The following DLGAP2 variants were observed in gnomAD, a reference collection of about 807,000 sequenced individuals.
DLGAP2 encodes DLG associated protein 2, also known as disks large-associated protein 2.
A neutral mutation model predicts 100.3 loss-of-function variants in DLGAP2; 26 were observed. That is an observed-to-expected ratio of 0.26 (90% CI 0.19 to 0.36). DLGAP2 has a LOEUF of 0.36. Ranked by LOEUF, DLGAP2 falls within the 10% of genes least tolerant of loss-of-function variation. The pLI, the probability that DLGAP2 is intolerant of heterozygous loss-of-function variation, is 1.00. For missense variants in DLGAP2, 1,858 were observed against 1,453.2 expected (o/e 1.28, Z -4.53); for synonymous variants, 886 against 630.1 (o/e 1.41, Z -6.08).
At chr8:1,116,532 G>T (rs1193050944) in intron 2 of DLGAP2, among the ~76,000 whole-genome samples, 1 of 152,148 alleles carries the variant, frequency 6.6e-6, no homozygotes, top group Non-Finnish European at 1.5e-5. Context: ...AAAATATCCA[G>T]TAATTACAAT....
chr8:1,267,912 A>C (rs528464141), intron 3 of DLGAP2, among the ~76,000 whole-genome samples: 44 of 152,286 alleles, frequency 2.9e-4, no homozygotes, highest in African/African-American at 9.9e-4. Context: ...TTTTGAATCA[A>C]ATACATAAAG....
intron 2 of DLGAP2, among the ~76,000 whole-genome samples, chr8:1,195,291 C>A (rs111345848): frequency 6.6e-6 from 1 of 152,312 alleles, no homozygotes; most frequent in East Asian, 1.9e-4. Flanking sequence ...GAACTGGCTT[C>A]CCTGCACCCT....
At chr8:1,558,818 C>T (rs2956897) in intron 5 of DLGAP2, among the ~76,000 whole-genome samples, 49,645 of 150,210 alleles carry the variant, frequency 0.33, 8,549 homozygotes, top group Middle Eastern at 0.46. Flanking sequence ...AACACACATA[C>T]GCACATGGGC....
intron 6 of DLGAP2, among the ~76,000 whole-genome samples, chr8:1,587,543 A>G (rs1796158119): frequency 1.3e-5 from 2 of 152,250 alleles, no homozygotes; most frequent in Admixed American, 1.3e-4. Context: ...CTAAGAATAT[A>G]TCTTAGCTAC....
At chr8:1,099,442 C>T (rs956790645) in intron 2 of DLGAP2, among the ~76,000 whole-genome samples, 1 of 152,220 alleles carries the variant, frequency 6.6e-6, no homozygotes, top group African/African-American at 2.4e-5. Flanking sequence ...GCGCCAGGGC[C>T]GTACTGGGGC....
chr8:1,002,303 A>C (rs1200196627), intron 2 of DLGAP2: 3 of 152,190 alleles, frequency 2.0e-5, no homozygotes, highest in Non-Finnish European at 4.4e-5. Context: ...CTGTGACCTC[A>C]TCTATAATTA....
chr8:1,381,782 AGTGTGTGTGTGTGTGTGTGT>A (rs72529197), intron 3 of DLGAP2, among the ~76,000 whole-genome samples: 110 of 141,790 alleles, frequency 7.8e-4, no homozygotes, highest in African/African-American at 2.9e-3. Context: ...GGGTTATTCT[AGTGTGTGTGTGTGTGTGTGT>A]GTGTGTGTGT....
At chr8:1,001,404 T>C (rs183806633) in intron 2 of DLGAP2, among the ~76,000 whole-genome samples, 1 of 152,344 alleles carries the variant, frequency 6.6e-6, no homozygotes, top group African/African-American at 2.4e-5. Flanking sequence ...GGCCAACATT[T>C]TGACAAACTT....
At chr8:1,692,848 A>G (rs1585069764) in intron 13 of DLGAP2, among the ~76,000 whole-genome samples, 1 of 150,402 alleles carries the variant, frequency 6.6e-6, no homozygotes, top group Non-Finnish European at 1.5e-5. Flanking sequence ...ATATATTTAC[A>G]TATACTTACA....
chr8:1,457,963 C>G (rs1798361917), intron 3 of DLGAP2, among the ~76,000 whole-genome samples: 1 of 123,434 alleles, frequency 8.1e-6, no homozygotes, highest in Non-Finnish European at 1.7e-5. Context: ...TCAATTGTCT[C>G]TGTTCTCTGA....
intron 3 of DLGAP2, among the ~76,000 whole-genome samples, chr8:1,392,095 A>C (rs1482783801): frequency 6.6e-6 from 1 of 151,430 alleles, no homozygotes; most frequent in African/African-American, 2.5e-5. Context: ...GACTGAGAGC[A>C]TGAAGAACTG....
chr8:872,729 A>G (rs1268889907), intron 1 of DLGAP2, among the ~76,000 whole-genome samples: 1 of 152,186 alleles, frequency 6.6e-6, no homozygotes. Context: ...TATTATATTC[A>G]AAGAGGTACA....
At chr8:1,510,079 GA>G (rs1214396466) in intron 4 of DLGAP2, among the ~76,000 whole-genome samples, 5 of 152,240 alleles carry the variant, frequency 3.3e-5, no homozygotes, top group African/African-American at 1.2e-4. Context: ...TTTAGATTCT[GA>G]AGAGTTTTTT....
At chr8:1,175,686 G>C (rs1480560989) in intron 2 of DLGAP2, among the ~76,000 whole-genome samples, 1 of 152,184 alleles carries the variant, frequency 6.6e-6, no homozygotes, top group African/African-American at 2.4e-5. Flanking sequence ...CAAACTTTTA[G>C]GGGTTAGATA....
At chr8:849,486 G>A (rs1797140480) in intron 1 of DLGAP2, among the ~76,000 whole-genome samples, 1 of 152,180 alleles carries the variant, frequency 6.6e-6, no homozygotes, top group Non-Finnish European at 1.5e-5. Context: ...GGGAGTGGCT[G>A]TGTCAATGGT....
chr8:1,111,357 C>A (rs112174224), intron 2 of DLGAP2, among the ~76,000 whole-genome samples: 8 of 152,216 alleles, frequency 5.3e-5, no homozygotes, highest in African/African-American at 1.9e-4. Context: ...ACGTTCCAGT[C>A]CCCATTTTCT....
chr8:1,370,281 G>A (rs913846273), intron 3 of DLGAP2, among the ~76,000 whole-genome samples: 17 of 152,094 alleles, frequency 1.1e-4, no homozygotes, highest in African/African-American at 4.1e-4. Flanking sequence ...GTTCTCAGCA[G>A]TTCCCCGAAG....
intron 1 of DLGAP2, among the ~76,000 whole-genome samples, chr8:746,150 C>T (rs1245838879): frequency 6.6e-6 from 1 of 152,242 alleles, no homozygotes; most frequent in Non-Finnish European, 1.5e-5. Flanking sequence ...ACATGTGGAG[C>T]TTCTCAGAGA....
At chr8:1,553,457 T>C (rs1433141552) in intron 5 of DLGAP2, among the ~76,000 whole-genome samples, 1 of 152,170 alleles carries the variant, frequency 6.6e-6, no homozygotes, top group Non-Finnish European at 1.5e-5. Flanking sequence ...ATTCGGCGTG[T>C]TCACGGTCAG....
Sources: allele counts gnomAD v4.1 joint callset (sites outside exome capture counted in the v4.1 genomes callset), GRCh38; gene constraint gnomAD v4.1.1; transcripts MANE v1.5; gene names NCBI Gene and HGNC (gene_info 2026-07-23, HGNC 2026-07-21).